The following SUGCT variants were observed in gnomAD, a reference collection of about 807,000 sequenced individuals.
The protein encoded by SUGCT is succinyl-CoA:glutarate CoA-transferase.
Under a neutral mutation model 55.0 loss-of-function variants are expected in SUGCT, and 41 were observed. The ratio of observed to expected loss-of-function variants is 0.74; its 90% CI spans 0.58 to 0.97. The LOEUF (loss-of-function observed/expected upper bound fraction) is 0.97. Among genes scored for constraint, SUGCT ranks in the 50% least tolerant of loss-of-function variants. The pLI, the probability that SUGCT is intolerant of heterozygous loss-of-function variation, is 0.00. For synonymous variants in SUGCT, 187 were observed against 200.4 expected (o/e 0.93, Z 0.56); for missense variants, 568 against 547.8 (o/e 1.04, Z -0.37).
chr7:40,303,020 A>G (rs987614576), intron 8 of SUGCT, among the ~76,000 whole-genome samples: 1 of 152,028 alleles, frequency 6.6e-6, no homozygotes, highest in Non-Finnish European at 1.5e-5. Flanking sequence ...TTCTTCACCA[A>G]GAAAGCCATT....
the SUGCT span, among the ~76,000 whole-genome samples, chr7:40,897,569 G>T: frequency 3.9e-5 from 6 of 152,098 alleles, no homozygotes; most frequent in Non-Finnish European, 7.4e-5. Context: ...CACTCTGGTG[G>T]CTGGGAAGAG....
intron 8 of SUGCT, among the ~76,000 whole-genome samples, chr7:40,287,107 C>T (rs1371700201): frequency 6.6e-6 from 1 of 152,132 alleles, no homozygotes; most frequent in Admixed American, 6.5e-5. Flanking sequence ...GGCATAGGTG[C>T]TGCATTACAT....
intron 8 of SUGCT, among the ~76,000 whole-genome samples, chr7:40,298,340 A>T (rs1248162533): frequency 6.6e-6 from 1 of 152,200 alleles, no homozygotes; most frequent in Non-Finnish European, 1.5e-5. Flanking sequence ...CATAGTTTTA[A>T]TGGTGGAAGT....
chr7:40,186,984 A>T (rs184939246), intron 3 of SUGCT, among the ~76,000 whole-genome samples: 1 of 152,336 alleles, frequency 6.6e-6, no homozygotes, highest in East Asian at 1.9e-4. Flanking sequence ...TGTGCAGGTC[A>T]CGTATGTTTA....
chr7:40,321,444 G>T (rs1370450669), intron 9 of SUGCT, among the ~76,000 whole-genome samples: 1 of 151,114 alleles, frequency 6.6e-6, no homozygotes, highest in Admixed American at 6.6e-5. Flanking sequence ...GTGTAATGGT[G>T]CTGTCTCAGC....
At chr7:40,474,670 G>A (rs1264375758) in intron 11 of SUGCT, among the ~76,000 whole-genome samples, 2 of 152,148 alleles carry the variant, frequency 1.3e-5, no homozygotes, top group East Asian at 1.9e-4. Flanking sequence ...GGCATCTGTA[G>A]CCTCTACAGC....
rs1562612157 is a variant in SUGCT, at chr7:40,249,333, ATATATATATAT to A, written c.576+11608_576+11618del. 5.8e-5 allele frequency among the ~76,000 whole-genome samples: 7 copies of A among 121,114 alleles called. 1 individual carries two copies. Among genetic ancestry groups the A allele is most frequent in the African/African-American group, 2.3e-4 (7 of 30,330 alleles). 79.5% of individuals were successfully genotyped at this position (121,114 alleles called of 152,430 possible). A position where few individuals can be genotyped will look rare whatever the true frequency, so the allele number is the denominator to read the frequency against. ...AAAAGCTATATATATATATATATAT[ATATATATATAT>A]ATAATTATATTATATAGAATATATT... On this transcript the variant is annotated intron_variant, in intron 7 of 13. Transcript: ENST00000335693.
chr7:40,364,289 T>C, intron 9 of SUGCT, among the ~76,000 whole-genome samples: 1 of 152,056 alleles, frequency 6.6e-6, no homozygotes. Flanking sequence ...CTGTGTCTTT[T>C]AATTGGAGCA....
chr7:41,018,964 G>C, the SUGCT span, among the ~76,000 whole-genome samples: 33 of 147,302 alleles, frequency 2.2e-4, no homozygotes, highest in Non-Finnish European at 4.5e-4. Flanking sequence ...AGAGTTCAAT[G>C]GTGCGATCTT....
chr7:40,707,218 T>A lies in SUGCT; in HGVS notation c.1090-42216T>A, dbSNP rs1262419706. Among the ~76,000 whole-genome samples the A allele has an allele frequency of 8.6e-5, 13 of 151,014 alleles. No individual in the cohort carries two copies. The Admixed American group carries it at 8.6e-4, about 10-fold the overall frequency. On this transcript the variant is annotated intron_variant, in intron 12 of 13. Coordinates refer to ENST00000335693, the MANE Select transcript of SUGCT (RefSeq NM_001193313.2). ...GAATTTTCAGTGTAAGCTAAGAAAA[T>A]GCTGCAAAATCTACTTTTTTTTTTT...
intron 12 of SUGCT, among the ~76,000 whole-genome samples, chr7:40,634,939 CTAAT>C (rs1046431574): frequency 4.6e-5 from 7 of 152,026 alleles, no homozygotes; most frequent in African/African-American, 1.4e-4. Flanking sequence ...GAAAAAGACT[CTAAT>C]TAGGAGAATA....
In SUGCT at chr7:40,512,828, T is replaced by G. The variant is rs1470069504; in HGVS notation, c.1089+16442T>G. Among the ~76,000 whole-genome samples the G allele has an allele frequency of 1.3e-5, 2 of 151,970 alleles. 1 individual carries two copies. Among genetic ancestry groups the G allele is most frequent in the South Asian group, 4.1e-4 (2 of 4,824 alleles). ...CAGAGGATAGAGTGCAGATGAGAGA[T>G]AGTGAGATGAGAATGGGGAATCTAA... On this transcript the variant is annotated intron_variant, in intron 12 of 13. Coordinates refer to ENST00000335693, the MANE Select transcript of SUGCT (RefSeq NM_001193313.2).
At chr7:40,454,608 C>T (rs1363458702) in intron 10 of SUGCT, among the ~76,000 whole-genome samples, 1 of 30,352 alleles carries the variant, frequency 3.3e-5, no homozygotes, top group Non-Finnish European at 5.0e-5. Flanking sequence ...CAGAAAAACA[C>T]CCAGAGGGGG....
At chr7:40,240,563 T>C (rs935731727) in intron 7 of SUGCT, among the ~76,000 whole-genome samples, 2 of 152,102 alleles carry the variant, frequency 1.3e-5, no homozygotes, top group East Asian at 1.9e-4. Context: ...CCTTATCTTA[T>C]CAGCAATATA....
the SUGCT span, among the ~76,000 whole-genome samples, chr7:41,035,224 T>C: frequency 1.3e-5 from 2 of 152,230 alleles, no homozygotes; most frequent in Admixed American, 6.5e-5. Context: ...TTCTTGGCTA[T>C]TGAATGCAAC....
At chr7:40,178,612 T>A (rs1785036648) in intron 1 of SUGCT, among the ~76,000 whole-genome samples, 1 of 152,140 alleles carries the variant, frequency 6.6e-6, no homozygotes. Context: ...GTCCTCCTGA[T>A]AACCAATACT....
intron 13 of SUGCT, among the ~76,000 whole-genome samples, chr7:40,772,546 CTATCTATCTATCTA>C (rs1562994141): frequency 2.4e-4 from 35 of 148,160 alleles, no homozygotes; most frequent in Non-Finnish European, 4.5e-4. Context: ...ATCTATCTAT[CTATCTATCTATCTA>C]TCTGGTGTTA....
chr7:40,584,811 G>T (rs1797291325), intron 12 of SUGCT, among the ~76,000 whole-genome samples: 1 of 152,150 alleles, frequency 6.6e-6, no homozygotes, highest in Non-Finnish European at 1.5e-5. Flanking sequence ...CTTTTCTCCT[G>T]CCATTATAGC....
intron 12 of SUGCT, among the ~76,000 whole-genome samples, chr7:40,716,682 C>G (rs940110822): frequency 2.6e-5 from 4 of 151,884 alleles, no homozygotes; most frequent in Non-Finnish European, 5.9e-5. Flanking sequence ...CTAAGGTAAG[C>G]GTTTATCACA....
Sources: allele counts gnomAD v4.1 joint callset (sites outside exome capture counted in the v4.1 genomes callset), GRCh38; gene constraint gnomAD v4.1.1; transcripts MANE v1.5; gene names NCBI Gene and HGNC (gene_info 2026-07-23, HGNC 2026-07-21).